The following COL24A1 variants were observed in gnomAD, a reference collection of about 807,000 sequenced individuals.
COL24A1 encodes collagen type XXIV alpha 1 chain.
A neutral mutation model predicts 253.9 loss-of-function variants in COL24A1; 224 were observed. That is an observed-to-expected ratio of 0.88 (90% confidence interval 0.79 to 0.99). The LOEUF (loss-of-function observed/expected upper bound fraction) is 0.99. Ranked by LOEUF, COL24A1 falls within the 50% of genes least tolerant of loss-of-function variation. The pLI, the probability that COL24A1 is intolerant of heterozygous loss-of-function variation, is 0.00. For missense variants in COL24A1, 2,131 were observed against 2,068.5 expected, an observed-to-expected ratio of 1.03 and a Z score of -0.59; for synonymous variants, 685 against 673.7, an observed-to-expected ratio of 1.02 and a Z score of -0.26.
chr1:86,028,264 G>A (rs1698233665), intron 14 of COL24A1, among the ~76,000 whole-genome samples: 1 of 152,150 alleles, frequency 6.6e-6, no homozygotes, highest in Non-Finnish European at 1.5e-5. Context: ...TGAAATGTGA[G>A]GACATGAGAT....
chr1:86,053,099 A>T (rs1274809386), intron 10 of COL24A1, among the ~76,000 whole-genome samples: 2 of 152,124 alleles, frequency 1.3e-5, no homozygotes, highest in Non-Finnish European at 2.9e-5. Flanking sequence ...TTTAAAGTGA[A>T]TCATACAAAA....
At chr1:86,069,930 T>A (rs1229381631) in intron 7 of COL24A1, among the ~76,000 whole-genome samples, 1 of 152,088 alleles carries the variant, frequency 6.6e-6, no homozygotes, top group Non-Finnish European at 1.5e-5. Flanking sequence ...CCAATGAACA[T>A]CTACAAGTAA....
At chr1:85,759,351 G>A (rs962260236) in intron 55 of COL24A1, among the ~76,000 whole-genome samples, 3 of 152,152 alleles carry the variant, frequency 2.0e-5, no homozygotes, top group Non-Finnish European at 4.4e-5. Flanking sequence ...AAATAAATGA[G>A]TATGAACAAA....
At chr1:86,092,834 T>C (rs1703605875) in intron 5 of COL24A1, among the ~76,000 whole-genome samples, 2 of 151,972 alleles carry the variant, frequency 1.3e-5, no homozygotes, top group Non-Finnish European at 2.9e-5. Flanking sequence ...AAAATTCTTT[T>C]TATTCTGTTA....
chr1:86,120,157 A>C (rs1292073419), intron 3 of COL24A1, among the ~76,000 whole-genome samples: 1 of 152,268 alleles, frequency 6.6e-6, no homozygotes, highest in Non-Finnish European at 1.5e-5. Context: ...TGGATTAAAG[A>C]CTTAAATGTT....
At chr1:86,116,670 T>C (rs1706171537) in intron 3 of COL24A1, among the ~76,000 whole-genome samples, 1 of 152,210 alleles carries the variant, frequency 6.6e-6, no homozygotes, top group South Asian at 2.1e-4. Flanking sequence ...TTTTTTGATA[T>C]TAACTACTCC....
At chr1:85,822,498 G>A (rs766578513) in intron 45 of COL24A1, among the ~76,000 whole-genome samples, 33 of 152,284 alleles carry the variant, frequency 2.2e-4, no homozygotes, top group Non-Finnish European at 4.4e-4. Flanking sequence ...TTAAAGTTGA[G>A]GCAATGTCTA....
At chr1:85,933,316 A>G (rs1004707915) in intron 24 of COL24A1, among the ~76,000 whole-genome samples, 1 of 152,206 alleles carries the variant, frequency 6.6e-6, no homozygotes, top group African/African-American at 2.4e-5. Flanking sequence ...TTCTGAACAG[A>G]AATAAATTAC....
In COL24A1 at chr1:85,825,609, T is replaced by C. The variant is rs550502954; in HGVS notation, c.3682-1871A>G. 9.7e-3 allele frequency among the ~76,000 whole-genome samples: 1,453 copies of C among 150,570 alleles called. 26 individuals are homozygous for C. Among genetic ancestry groups the C allele is most frequent in the African/African-American group, 0.034 (1,374 of 40,790 alleles). ...TGTTGTTTCCTGACTTTTTAATGAT[T>C]GCCATTCTAACTGGTGTGAGATGGT... On this transcript the variant is annotated intron_variant, in intron 43 of 59. Transcript: ENST00000370571.
At chr1:85,767,765 G>A (rs1047221116) in intron 53 of COL24A1, among the ~76,000 whole-genome samples, 2 of 151,884 alleles carry the variant, frequency 1.3e-5, no homozygotes, top group African/African-American at 4.8e-5. Flanking sequence ...ATAACCCACA[G>A]ACTAAAAACT....
chr1:85,857,846 A>G (rs1369088006), intron 37 of COL24A1, among the ~76,000 whole-genome samples: 3 of 152,200 alleles, frequency 2.0e-5, no homozygotes, highest in Admixed American at 2.0e-4. Context: ...ATCAGTAAGT[A>G]GGAGCTTGTG....
At chr1:85,808,025 T>C (rs887843852) in intron 47 of COL24A1, among the ~76,000 whole-genome samples, 1 of 152,114 alleles carries the variant, frequency 6.6e-6, no homozygotes, top group Non-Finnish European at 1.5e-5. Flanking sequence ...TCCCCTCCAA[T>C]CTCAGAGCAT....
intron 5 of COL24A1, among the ~76,000 whole-genome samples, chr1:86,098,977 T>TA (rs1320616816): frequency 3.3e-5 from 5 of 152,148 alleles, no homozygotes; most frequent in African/African-American, 1.2e-4. Context: ...GGCATTTATA[T>TA]AACACCACAC....
intron 2 of COL24A1, among the ~76,000 whole-genome samples, chr1:86,140,547 A>G (rs775225768): frequency 6.6e-6 from 1 of 152,244 alleles, no homozygotes; most frequent in Non-Finnish European, 1.5e-5. Context: ...CAATAAACAC[A>G]TTTCAGATTA....
At chr1:86,067,898 G>A (rs1477423302) in intron 7 of COL24A1, among the ~76,000 whole-genome samples, 2 of 152,246 alleles carry the variant, frequency 1.3e-5, no homozygotes, top group Admixed American at 6.5e-5. Flanking sequence ...TAACAAAAAA[G>A]TTTCCATAAC....
At chr1:85,845,380 G>A (rs1041173559) in intron 39 of COL24A1, among the ~76,000 whole-genome samples, 2 of 151,730 alleles carry the variant, frequency 1.3e-5, no homozygotes, top group Non-Finnish European at 3.0e-5. Context: ...TCTACTCTTG[G>A]TCAAAACTCT....
At chr1:85,885,717 A>T (rs1682418854) in intron 32 of COL24A1, among the ~76,000 whole-genome samples, 1 of 152,214 alleles carries the variant, frequency 6.6e-6, no homozygotes, top group South Asian at 2.1e-4. Context: ...TTTTGAAATG[A>T]TTATCCTTGG....
chr1:86,114,910 G>A (rs559138555), intron 4 of COL24A1, among the ~76,000 whole-genome samples: 8 of 152,198 alleles, frequency 5.3e-5, no homozygotes, highest in Admixed American at 5.2e-4. Context: ...TTTCCTCAGG[G>A]CAGTTATTTT....
intron 24 of COL24A1, among the ~76,000 whole-genome samples, chr1:85,932,749 A>G (rs1302318771): frequency 9.9e-6 from 1 of 101,014 alleles, no homozygotes; most frequent in Non-Finnish European, 1.9e-5. Context: ...ATGGAATACT[A>G]TGCAGCCATA....
Sources: gnomAD v4.1 joint callset for allele counts (sites outside exome capture counted in the v4.1 genomes callset) on GRCh38, gnomAD v4.1.1 for gene constraint, MANE v1.5 for transcripts, NCBI Gene and HGNC (gene_info 2026-07-23, HGNC 2026-07-21) for gene names.